Variants in CES5A observed in about 807,000 individuals in gnomAD.
CES5A encodes carboxylesterase 5A, also known as carboxylesterase 5.
CES5A carries 67 observed loss-of-function variants against 62.9 expected under a neutral mutation model. The ratio of observed to expected loss-of-function variants is 1.07; its 90% CI spans 0.88 to 1.31. CES5A has a LOEUF of 1.31. Among genes scored for constraint, CES5A ranks in the 50% most tolerant of loss-of-function variants. The pLI, the probability that CES5A is intolerant of heterozygous loss-of-function variation, is 0.00. For missense variants in CES5A, 748 were observed against 708.5 expected (o/e 1.06, Z -0.63); for synonymous variants, 296 against 280.8 (o/e 1.05, Z -0.54).
chr16:55,894,099 C>CA (rs1247341853), intron 1 of CES5A, among the ~76,000 whole-genome samples: 1 of 151,720 alleles, frequency 6.6e-6, no homozygotes, highest in Non-Finnish European at 1.5e-5. Context: ...AAGTGTTTTT[C>CA]AAAATGTTAG....
intron 1 of CES5A, among the ~76,000 whole-genome samples, chr16:55,921,637 A>G (rs1258895063): frequency 8.3e-6 from 1 of 119,778 alleles, no homozygotes; most frequent in Non-Finnish European, 1.7e-5. Flanking sequence ...AATCTGAAAG[A>G]AAAAAAAAAA....
chr16:55,865,328 T>C (rs2033434313), intron 5 of CES5A, among the ~76,000 whole-genome samples: 1 of 152,216 alleles, frequency 6.6e-6, no homozygotes, highest in East Asian at 1.9e-4. Flanking sequence ...TATATTGCTG[T>C]CAAATTGTGT....
intron 2 of CES5A, among the ~76,000 whole-genome samples, chr16:55,941,370 A>G (rs1308930836): frequency 6.6e-6 from 1 of 152,048 alleles, no homozygotes; most frequent in Admixed American, 6.5e-5. Context: ...AAATTTTAAA[A>G]CAATGTCATT....
At chr16:55,929,335 G>C (rs1289044966), upstream of CES5A, among the ~76,000 whole-genome samples, 1 of 152,224 alleles carries the variant, frequency 6.6e-6, no homozygotes, top group African/African-American at 2.4e-5. Flanking sequence ...AGTGCAGATG[G>C]GCTGCTGACA....
At chr16:55,907,003 TAAA>T (rs2034045986) in intron 1 of CES5A, among the ~76,000 whole-genome samples, 1 of 152,218 alleles carries the variant, frequency 6.6e-6, no homozygotes, top group South Asian at 2.1e-4. Flanking sequence ...TTGTAAAGAT[TAAA>T]AAGTTATTAC....
At chr16:55,868,345 A>G (rs2033508180) in intron 4 of CES5A, among the ~76,000 whole-genome samples, 2 of 152,204 alleles carry the variant, frequency 1.3e-5, no homozygotes, top group Non-Finnish European at 2.9e-5. Flanking sequence ...GCAGTCTGCA[A>G]AAGTATTGCT....
intron 1 of CES5A, among the ~76,000 whole-genome samples, chr16:55,909,745 T>C (rs1407024710): frequency 6.6e-6 from 1 of 152,218 alleles, no homozygotes; most frequent in Non-Finnish European, 1.5e-5. Context: ...CTATGTCCGC[T>C]GCACTGGCTG....
intron 1 of CES5A, among the ~76,000 whole-genome samples, chr16:55,901,696 C>T (rs2033992125): frequency 6.6e-6 from 1 of 152,198 alleles, no homozygotes; most frequent in South Asian, 2.1e-4. Context: ...CTGCCAAGGC[C>T]TGAATTTCCC....
intron 9 of CES5A, 54 bp downstream of exon 9, chr16:55,856,323 C>CTA: frequency 6.5e-7 from 1 of 1,535,028 alleles, no homozygotes; most frequent in Non-Finnish European, 9.0e-7. Flanking sequence ...TGACCTAGGG[C>CTA]TATCTGTTAA....
Position 55,856,394 on chromosome 16 carries a change from G to T in CES5A, c.1108C>A (p.Leu370Met), listed in dbSNP as rs748673495. Residue 370 changes from leucine (L) to methionine (M), a missense_variant, in exon 9 of 13, where the codon CTG (leucine) becomes ATG (methionine). Coordinates refer to ENST00000290567, the MANE Select transcript of CES5A (RefSeq NM_001143685.2). The part of the protein sequence containing the change: ...SGSNKSLALH[L>M]IQNILHIPPQ... The stretch of plus-strand genomic sequence containing the variant: ...CTACTCACCAGGATGTTTTGTATCA[G>T]ATGGAGGGCAAGGGACTTGTTGGAG... 1 of 1,614,090 alleles carries T rather than the reference G, an allele frequency of 6.2e-7. No individual in the cohort carries two copies. The highest frequency in any genetic ancestry group is 8.5e-7 in the Non-Finnish European group (1 of 1,179,970).
At chr16:55,938,905 G>A (rs1414330434) in intron 2 of CES5A, among the ~76,000 whole-genome samples, 2 of 148,404 alleles carry the variant, frequency 1.3e-5, no homozygotes, top group African/African-American at 2.5e-5. Flanking sequence ...ACTGATACTG[G>A]CTAATGCAGA....
In CES5A at chr16:55,875,292, A is replaced by G; in HGVS notation, c.-71T>C. Reference sequence around the variant, plus strand: ...CCTCAGAGAGCTTCAGTTGGGAGCCAGAAAGAGCTTCCTGTTAACAGGCAA... The same window carrying G: ...CCTCAGAGAGCTTCAGTTGGGAGCCGGAAAGAGCTTCCTGTTAACAGGCAA... On this transcript the variant is annotated 5_prime_UTR_variant, in exon 1 of 13. Coordinates refer to ENST00000290567, the MANE Select transcript of CES5A (RefSeq NM_001143685.2). 6.3e-7 allele frequency: 1 copy of G among 1,577,802 alleles called. No individual in the cohort carries two copies. The highest frequency in any genetic ancestry group is 1.2e-5 in the South Asian group (1 of 86,108).
At chr16:55,865,912 TTG>T (rs1567330281) in intron 5 of CES5A, 49 bp downstream of exon 5, 1 of 1,604,888 alleles carries the variant, frequency 6.2e-7, no homozygotes, top group East Asian at 2.2e-5. Flanking sequence ...ATCATCATTT[TTG>T]GAACCTCCGG....
chr16:55,860,470 C>T (rs80037378), intron 7 of CES5A, among the ~76,000 whole-genome samples: 8,410 of 152,128 alleles, frequency 0.055, 795 homozygotes, highest in African/African-American at 0.19. Flanking sequence ...GCCCAGGAAC[C>T]TTCTTGTAGC....
intron 1 of CES5A, among the ~76,000 whole-genome samples, chr16:55,874,811 A>T (rs1244664064): frequency 6.6e-6 from 1 of 152,156 alleles, no homozygotes; most frequent in Non-Finnish European, 1.5e-5. Context: ...TTCTAATGTC[A>T]TTTCATTACT....
chr16:55,935,046 C>T (rs1184889046), intron 2 of CES5A, among the ~76,000 whole-genome samples: 2 of 152,166 alleles, frequency 1.3e-5, no homozygotes, highest in Non-Finnish European at 2.9e-5. Context: ...GAGTTCAAGC[C>T]ATTCTTGTGC....
intron 3 of CES5A, among the ~76,000 whole-genome samples, chr16:55,870,260 G>A (rs1308215167): frequency 1.3e-5 from 2 of 151,922 alleles, no homozygotes; most frequent in Non-Finnish European, 2.9e-5. Flanking sequence ...GAGAGGAGGG[G>A]AGGGGAGAAA....
chr16:55,897,350 C>G (rs1455743018), intron 1 of CES5A, among the ~76,000 whole-genome samples: 1 of 152,086 alleles, frequency 6.6e-6, no homozygotes, highest in Non-Finnish European at 1.5e-5. Context: ...CAAGATGCTC[C>G]CAGGGGTAGA....
intron 1 of CES5A, among the ~76,000 whole-genome samples, chr16:55,890,682 C>G (rs540739075): frequency 3.9e-5 from 6 of 152,228 alleles, no homozygotes; most frequent in African/African-American, 1.4e-4. Flanking sequence ...TTACAACAAA[C>G]TGAGGCTTAT....
Sources: allele counts gnomAD v4.1 joint callset (sites outside exome capture counted in the v4.1 genomes callset), GRCh38; gene constraint gnomAD v4.1.1; transcripts MANE v1.5; gene names NCBI Gene and HGNC (gene_info 2026-07-23, HGNC 2026-07-21).